Variants in LRRK2 observed in about 807,000 individuals in gnomAD.
The protein encoded by LRRK2 is leucine rich repeat kinase 2.
A neutral mutation model predicts 302.6 loss-of-function variants in LRRK2; 203 were observed. The observed-to-expected ratio is 0.67, with a 90% confidence interval of 0.60 to 0.75. The LOEUF (loss-of-function observed/expected upper bound fraction) is 0.75. Ranked by LOEUF, LRRK2 falls within the 30% of genes least tolerant of loss-of-function variation. The pLI is 0.00. For missense variants in LRRK2, 2,830 were observed against 2,951.0 expected (o/e 0.96, Z 0.95); for synonymous variants, 1,066 against 1,031.9 (o/e 1.03, Z -0.63).
chr12:40,302,951 G>T, intron 26 of LRRK2, 69 bp downstream of exon 26: 5 of 1,100,872 alleles, frequency 4.5e-6, no homozygotes, highest in Non-Finnish European at 6.9e-6. Context: ...ACATGATTTC[G>T]ATTTAGTCAT....
chr12:40,269,436 C>T (rs926158894), intron 14 of LRRK2, among the ~76,000 whole-genome samples: 5 of 152,112 alleles, frequency 3.3e-5, no homozygotes, highest in African/African-American at 7.2e-5. Context: ...CAGGTACCAT[C>T]GTACCTGCAG....
At chr12:40,295,683 A>C (rs1206686761) in intron 23 of LRRK2, 39 bp downstream of exon 23, 1 of 1,573,690 alleles carries the variant, frequency 6.4e-7, no homozygotes, top group South Asian at 1.1e-5. Flanking sequence ...AAGACATTTG[A>C]AGAGCTTTTG....
At position 40,305,787 on chromosome 12, in the gene LRRK2, T is replaced by G. The variant is rs1349845679; in HGVS notation, c.3780T>G (p.Ile1260Met). The change falls in exon 28 of 51, where the codon ATT becomes ATG. Residue 1260 changes from isoleucine (I) to methionine (M), a missense_variant and splice_region_variant. Transcript: ENST00000298910. ...TTGCCCTTTTTTTTCCCATTAAGAT[T>G]CCTCCTGAGATTGGCTGTCTTGAAA... ...LHLSHNKLKE[I>M]PPEIGCLENL... is the part of the protein sequence containing the mutation. The G allele has an allele frequency of 1.2e-6, 2 of 1,613,402 alleles. No individual in the cohort carries two copies. The highest frequency in any genetic ancestry group is 1.7e-6 in the Non-Finnish European group (2 of 1,179,688).
At chr12:40,346,681 TA>T in intron 41 of LRRK2, 71 bp from the exon 42 acceptor site, 1 of 1,399,178 alleles carries the variant, frequency 7.1e-7, no homozygotes, top group Non-Finnish European at 1.0e-6. Flanking sequence ...GCATATAGCC[TA>T]AGTGTATGCC....
Position 40,360,558 on chromosome 12 carries a change from C to G in LRRK2, c.7028+1114C>G, listed in dbSNP as rs376302082. ...CCAGTTCTCACCCTCTGATTATACT[C>G]TCTTCAACATATTTTCAGCATTGCA... On this transcript the variant is annotated intron_variant, in intron 47 of 50. Coordinates refer to ENST00000298910, the MANE Select transcript of LRRK2 (RefSeq NM_198578.4). 2.6e-4 allele frequency among the ~76,000 whole-genome samples: 40 copies of G among 152,210 alleles called. No homozygotes were observed. The East Asian group carries it at 5.8e-3, about 22-fold the overall frequency.
At chr12:40,321,348 A>G (rs1243533724) in intron 35 of LRRK2, among the ~76,000 whole-genome samples, 160 bp downstream of exon 35, 1 of 152,030 alleles carries the variant, frequency 6.6e-6, no homozygotes, top group Non-Finnish European at 1.5e-5. Flanking sequence ...ATAAGCTCAT[A>G]AAACCTTGGA....
Position 40,309,278 on chromosome 12 carries a change from C to CTG in LRRK2, c.4317+50_4317+51dup, listed in dbSNP as rs759689877. The CTG allele has an allele frequency of 3.9e-5, 59 of 1,532,300 alleles. No individual in the cohort carries two copies. In the African/African-American group the frequency reaches 4.2e-4, roughly 11 times the overall value. 94.9% of individuals were successfully genotyped at this position (1,532,300 alleles called of 1,614,324 possible). ...TGAAAATAGAAAATAATTCATGTGT[C>CTG]TGTGTGCGTGTGTGTGTGTGTGTGT... On this transcript the variant is annotated intron_variant, in intron 30 of 50. Transcript: ENST00000298910.
chr12:40,257,828 T>C (rs1161911619), intron 12 of LRRK2, among the ~76,000 whole-genome samples: 1 of 152,050 alleles, frequency 6.6e-6, no homozygotes, highest in Non-Finnish European at 1.5e-5. Context: ...TAACTACATC[T>C]AGTCCAAGTG....
At chr12:40,275,067 A>G (rs1343561207) in intron 16 of LRRK2, 74 bp downstream of exon 16, 20 of 1,522,532 alleles carry the variant, frequency 1.3e-5, no homozygotes, top group Non-Finnish European at 1.6e-5. Flanking sequence ...TGTAATTCCC[A>G]CTTTGCATGA....
At chr12:40,299,691 A>G (rs980346834) in intron 25 of LRRK2, among the ~76,000 whole-genome samples, 1 of 152,162 alleles carries the variant, frequency 6.6e-6, no homozygotes, top group African/African-American at 2.4e-5. Flanking sequence ...AACCCATAGA[A>G]TGTGCAGTAT....
intron 25 of LRRK2, among the ~76,000 whole-genome samples, chr12:40,300,082 T>C (rs1332717593): frequency 3.9e-5 from 6 of 152,212 alleles, no homozygotes; most frequent in African/African-American, 1.4e-4. Context: ...ATATTGTTTT[T>C]CATACTGAAG....
At chr12:40,355,445 C>T (rs1252353892) in intron 45 of LRRK2, among the ~76,000 whole-genome samples, 1 of 151,700 alleles carries the variant, frequency 6.6e-6, no homozygotes, top group African/African-American at 2.4e-5. Flanking sequence ...GCTAATTGTC[C>T]CTTATTGAAG....
intron 47 of LRRK2, 33 bp from the exon 48 acceptor site, chr12:40,363,369 T>C: frequency 1.3e-6 from 2 of 1,583,746 alleles, no homozygotes; most frequent in Non-Finnish European, 1.7e-6. Context: ...AGAAAACAAA[T>C]AGTGATGACT....
At chr12:40,257,417 T>G (rs1308635511) in intron 12 of LRRK2, 40 bp downstream of exon 12, 2 of 1,587,270 alleles carry the variant, frequency 1.3e-6, no homozygotes, top group Non-Finnish European at 1.7e-6. Context: ...TATATCATAT[T>G]GGGCCAGGTA....
intron 14 of LRRK2, among the ~76,000 whole-genome samples, chr12:40,268,005 A>G (rs1202363025): frequency 6.6e-6 from 1 of 152,218 alleles, no homozygotes; most frequent in Non-Finnish European, 1.5e-5. Flanking sequence ...TAAGAAGAGT[A>G]TTTATAAAGC....
At chr12:40,354,161 T>C (rs1946458612) in intron 44 of LRRK2, 138 bp from the exon 45 acceptor site, 1 of 706,722 alleles carries the variant, frequency 1.4e-6, no homozygotes, top group Non-Finnish European at 2.3e-6. Flanking sequence ...GAAAATTAAA[T>C]AAAATTGGCA....
chr12:40,245,000 GA>G (rs771819550), intron 7 of LRRK2, among the ~76,000 whole-genome samples: 2,461 of 110,982 alleles, frequency 0.022, 122 homozygotes, highest in Admixed American at 0.12. Flanking sequence ...TTGCAAGAGT[GA>G]AAAAAAAAAA....
At position 40,365,299 on chromosome 12, in the gene LRRK2, T is replaced by C. The variant is rs928871926; in HGVS notation, c.7390+249T>C. On this transcript the variant is annotated intron_variant, in intron 49 of 50. Transcript: ENST00000298910. ...ACACTCAGTTTGGGTCTTACTTGCT[T>C]TTTTCCTTTTTACCTAAGGCAAAAA... 5 of 430,904 alleles carry C rather than the reference T, an allele frequency of 1.2e-5. No individual in the cohort carries two copies. In the Admixed American group the frequency reaches 2.0e-4, roughly 17 times the overall value. The allele number at this position is 430,904 out of a possible 1,614,324, so 26.7% of individuals were successfully genotyped here.
At chr12:40,255,435 C>T (rs1942459300) in intron 11 of LRRK2, among the ~76,000 whole-genome samples, 1 of 152,030 alleles carries the variant, frequency 6.6e-6, no homozygotes. Flanking sequence ...CTGGTAAATG[C>T]GATAGTGTGT....
Sources: gnomAD v4.1 joint callset for allele counts (sites outside exome capture counted in the v4.1 genomes callset) on GRCh38, gnomAD v4.1.1 for gene constraint, MANE v1.5 for transcripts, NCBI Gene and HGNC (gene_info 2026-07-23, HGNC 2026-07-21) for gene names.